Variants in PRXL2A observed in about 807,000 individuals in gnomAD.
PRXL2A encodes peroxiredoxin-like 2A.
Under a neutral mutation model 25.6 loss-of-function variants are expected in PRXL2A, and 26 were observed. The ratio of observed to expected loss-of-function variants is 1.02; its 90% CI spans 0.74 to 1.41. The LOEUF (loss-of-function observed/expected upper bound fraction) is 1.41, where lower values mean the gene tolerates loss of function less well. Ranked by LOEUF, PRXL2A falls within the 40% of genes most tolerant of loss-of-function variation. The probability of loss-of-function intolerance (pLI) is 0.00; values close to 1 mark genes in which losing one functional copy is unlikely to be tolerated. For synonymous variants in PRXL2A, 98 were observed against 102.9 expected, an observed-to-expected ratio of 0.95 and a Z score of 0.29; for missense variants, 246 against 273.9, an observed-to-expected ratio of 0.90 and a Z score of 0.72.
At chr10:80,411,925 TG>T (rs769262193) in intron 1 of PRXL2A, among the ~76,000 whole-genome samples, 43 of 152,212 alleles carry the variant, frequency 2.8e-4, no homozygotes, top group Non-Finnish European at 5.7e-4. Flanking sequence ...TGTCTCTACT[TG>T]TTTCAGACAT....
At chr10:80,425,399 A>C (rs1446733942) in intron 3 of PRXL2A, among the ~76,000 whole-genome samples, 1 of 152,234 alleles carries the variant, frequency 6.6e-6, no homozygotes, top group African/African-American at 2.4e-5. Flanking sequence ...TGGGAATGTA[A>C]GAGACAACAC....
In PRXL2A at chr10:80,422,400, T is replaced by A; in HGVS notation, c.179-17T>A. The A allele has an allele frequency of 6.2e-7, 1 of 1,601,746 alleles. No homozygotes were observed. Among genetic ancestry groups the A allele is most frequent in the Non-Finnish European group, 8.6e-7 (1 of 1,169,236 alleles). On this transcript the variant is annotated splice_polypyrimidine_tract_variant and intron_variant, in intron 2 of 5. Coordinates refer to ENST00000606162, the MANE Select transcript of PRXL2A (RefSeq NM_032333.5). ...GGGCTGGGAGGAGATATCGAATTTC[T>A]TTTTTTCCTCTCTTAGAACCAAGGA...
At chr10:80,420,216 TTC>T in intron 1 of PRXL2A, 2 of 1,151,502 alleles carry the variant, frequency 1.7e-6, no homozygotes, top group Middle Eastern at 7.2e-4. Flanking sequence ...AGGCTGTCCT[TTC>T]TCTGTCATCA....
At chr10:80,412,486 T>C (rs1844507759) in intron 1 of PRXL2A, among the ~76,000 whole-genome samples, 1 of 152,194 alleles carries the variant, frequency 6.6e-6, no homozygotes, top group Non-Finnish European at 1.5e-5. Flanking sequence ...TGTTGAGTGC[T>C]GGGGATGCAG....
chr10:80,429,349 CA>C (rs1217777166), intron 5 of PRXL2A, among the ~76,000 whole-genome samples: 1 of 152,196 alleles, frequency 6.6e-6, no homozygotes, highest in African/African-American at 2.4e-5. Flanking sequence ...TGCTCAAGTA[CA>C]TGGTCTCATG....
intron 5 of PRXL2A, 43 bp from the exon 6 acceptor site, chr10:80,431,943 C>A: frequency 7.0e-7 from 1 of 1,438,516 alleles, no homozygotes; most frequent in Non-Finnish European, 9.7e-7. Context: ...CATGAACGAA[C>A]GATTTAGGAT....
intron 1 of PRXL2A, among the ~76,000 whole-genome samples, chr10:80,418,690 A>G (rs1003184426): frequency 2.6e-5 from 4 of 152,238 alleles, no homozygotes; most frequent in African/African-American, 9.6e-5. Context: ...TACTTAGGGA[A>G]GAAGGCACCA....
chr10:80,431,838 A>T (rs548988118), intron 5 of PRXL2A, 148 bp from the exon 6 acceptor site: 3 of 650,032 alleles, frequency 4.6e-6, no homozygotes, highest in Non-Finnish European at 8.2e-6. Flanking sequence ...CAAAGACTGA[A>T]CTCCTTGAGG....
At chr10:80,420,178 G>T in intron 1 of PRXL2A, 1 of 1,060,980 alleles carries the variant, frequency 9.4e-7, no homozygotes, top group Non-Finnish European at 1.1e-6. Context: ...GGCATGAGAA[G>T]AGAGAGCAGC....
At chr10:80,411,108 G>C (rs191466162) in intron 1 of PRXL2A, among the ~76,000 whole-genome samples, 1 of 152,292 alleles carries the variant, frequency 6.6e-6, no homozygotes, top group African/African-American at 2.4e-5. Context: ...TGATTTTGTG[G>C]TATATGAAGA....
In PRXL2A at chr10:80,435,618, A is replaced by G. The variant is rs1323612924; in HGVS notation, c.*3519A>G. On this transcript the variant is annotated 3_prime_UTR_variant, in exon 6 of 6. Transcript: ENST00000606162. ...CAGCCTACCAAGTTACTGGGCTTAC[A>G]GGTGGATGCCACCGTACCCAACAGA... is the stretch of plus-strand genomic sequence containing the variant. The G allele has an allele frequency of 1.3e-5, 2 of 152,246 alleles. No individual in the cohort carries two copies. The highest frequency in any genetic ancestry group is 3.9e-4 in the East Asian group (2 of 5,162). 9.4% of individuals were successfully genotyped at this position (152,246 alleles called of 1,614,324 possible).
chr10:80,436,681 T>G lies in PRXL2A; in HGVS notation c.*4582T>G, dbSNP rs1318454119. On this transcript the variant is annotated 3_prime_UTR_variant, in exon 6 of 6. Transcript: ENST00000606162. ...CTCCCCCAAGGCTACCCATAGAAAC[T>G]AGAATCCCTCTTCCCCAAGGCAGGT... 1 of 152,204 alleles carries G rather than the reference T, an allele frequency of 6.6e-6. No homozygotes were observed. 9.4% of individuals were successfully genotyped at this position (152,204 alleles called of 1,614,324 possible). A position where few individuals can be genotyped will look rare whatever the true frequency, so the allele number is the denominator to read the frequency against.
At chr10:80,421,512 A>G (rs1844864259) in intron 2 of PRXL2A, among the ~76,000 whole-genome samples, 1 of 152,110 alleles carries the variant, frequency 6.6e-6, no homozygotes, top group Non-Finnish European at 1.5e-5. Context: ...GGAAGGCAGG[A>G]GATTGTGCAG....
intron 5 of PRXL2A, among the ~76,000 whole-genome samples, chr10:80,430,089 C>CTT (rs753076825): frequency 4.1e-4 from 27 of 66,544 alleles, no homozygotes; most frequent in Non-Finnish European, 5.6e-4. Context: ...TGGGGATTTC[C>CTT]TTTTTTTTTT....
At chr10:80,424,035 G>A (rs937682463) in intron 3 of PRXL2A, among the ~76,000 whole-genome samples, 1 of 151,998 alleles carries the variant, frequency 6.6e-6, no homozygotes, top group South Asian at 2.1e-4. Flanking sequence ...GATTTCTCGG[G>A]GCCATTAAAA....
intron 5 of PRXL2A, among the ~76,000 whole-genome samples, chr10:80,431,010 G>A (rs1470552351): frequency 6.6e-6 from 1 of 152,084 alleles, no homozygotes; most frequent in East Asian, 1.9e-4. Context: ...GGATTATCCT[G>A]TTTCAGCCTC....
At chr10:80,416,366 C>A (rs1390144906) in intron 1 of PRXL2A, among the ~76,000 whole-genome samples, 1 of 152,172 alleles carries the variant, frequency 6.6e-6, no homozygotes, top group Non-Finnish European at 1.5e-5. Flanking sequence ...AGATAAACTG[C>A]AGAATGTCAC....
intron 1 of PRXL2A, among the ~76,000 whole-genome samples, chr10:80,416,942 T>C (rs1844678712): frequency 1.3e-5 from 2 of 152,220 alleles, no homozygotes; most frequent in African/African-American, 4.8e-5. Flanking sequence ...CAGACTGTTG[T>C]ACCCAAGCGA....
intron 5 of PRXL2A, among the ~76,000 whole-genome samples, chr10:80,431,143 C>A (rs1213574834): frequency 6.6e-6 from 1 of 152,166 alleles, no homozygotes; most frequent in Non-Finnish European, 1.5e-5. Flanking sequence ...AGTGATCCGC[C>A]CACCTCAGCC....
Sources: gnomAD v4.1 joint callset for allele counts (sites outside exome capture counted in the v4.1 genomes callset) on GRCh38, gnomAD v4.1.1 for gene constraint, MANE v1.5 for transcripts, NCBI Gene and HGNC (gene_info 2026-07-23, HGNC 2026-07-21) for gene names.